Variants in BRINP1 observed in about 807,000 individuals in gnomAD.
BRINP1 encodes BMP/retinoic acid-inducible neural-specific protein 1.
Under a neutral mutation model 72.9 loss-of-function variants are expected in BRINP1, and 17 were observed. That is an observed-to-expected ratio of 0.23 (90% CI 0.16 to 0.35). The LOEUF is 0.35. BRINP1 is among the 10% of genes least tolerant of loss of function. BRINP1 has a pLI of 1.00. For synonymous variants in BRINP1, 418 were observed against 378.5 expected (o/e 1.10, Z -1.21); for missense variants, 850 against 1,001.6 (o/e 0.85, Z 2.04).
intron 2 of BRINP1, among the ~76,000 whole-genome samples, chr9:119,273,846 T>C (rs1360710569): frequency 1.3e-5 from 2 of 152,200 alleles, no homozygotes; most frequent in East Asian, 3.9e-4. Context: ...TTATGTTCCT[T>C]GTCCACGTTC....
rs374801095 is a variant in BRINP1 at position 119,208,750 on chromosome 9, G to A, written c.1114C>T (p.His372Tyr). The A allele has an allele frequency of 5.0e-6, 8 of 1,613,444 alleles. No homozygotes were observed. The highest frequency in any genetic ancestry group is 6.8e-6 in the Non-Finnish European group (8 of 1,180,028). Residue 372 changes from histidine to tyrosine, a missense_variant, in exon 7 of 8, where the codon CAC (histidine) becomes TAC (tyrosine). Transcript: ENST00000265922. Reference protein sequence around the residue: ...KLFGLSVRCRHNPNHQLPRER... With the variant: ...KLFGLSVRCRYNPNHQLPRER... The stretch of plus-strand genomic sequence containing the variant: ...CTAGGCAGCTGGTGGTTGGGATTGT[G>A]GCGACAGCGTACACTGAGGCCGAAA...
At chr9:119,321,075 C>T (rs1456191839) in intron 1 of BRINP1, among the ~76,000 whole-genome samples, 1 of 152,128 alleles carries the variant, frequency 6.6e-6, no homozygotes, top group Non-Finnish European at 1.5e-5. Flanking sequence ...GGACTACAGG[C>T]GCCTGCCACT....
At chr9:119,222,171 G>A (rs1023072090) in intron 5 of BRINP1, among the ~76,000 whole-genome samples, 4 of 152,050 alleles carry the variant, frequency 2.6e-5, no homozygotes, top group Admixed American at 2.6e-4. Context: ...AGGGGCCATC[G>A]GAGGAGCAGA....
chr9:119,358,358 G>A (rs79342727), intron 1 of BRINP1, among the ~76,000 whole-genome samples: 1 of 149,168 alleles, frequency 6.7e-6, no homozygotes, highest in African/African-American at 2.5e-5. Context: ...CTCAGATACG[G>A]ATTGATCTTA....
chr9:119,181,322 A>T (rs540780860), intron 7 of BRINP1, among the ~76,000 whole-genome samples: 1 of 152,316 alleles, frequency 6.6e-6, no homozygotes, highest in Non-Finnish European at 1.5e-5. Flanking sequence ...ATCTAGATCT[A>T]TGATCTTGGC....
intron 1 of BRINP1, 24 bp from the exon 2 acceptor site, chr9:119,313,429 A>G: frequency 6.6e-7 from 1 of 1,516,790 alleles, no homozygotes; most frequent in Non-Finnish European, 8.8e-7. Context: ...AATAAAAAAG[A>G]GAGAGAAAAA....
At chr9:119,224,891 G>T (rs1588169653) in intron 5 of BRINP1, among the ~76,000 whole-genome samples, 1 of 151,978 alleles carries the variant, frequency 6.6e-6, no homozygotes, top group African/African-American at 2.4e-5. Flanking sequence ...CCAGTCACAT[G>T]GAAATGCACT....
intron 2 of BRINP1, among the ~76,000 whole-genome samples, chr9:119,288,157 G>T (rs1007533666): frequency 6.6e-6 from 1 of 152,146 alleles, no homozygotes; most frequent in East Asian, 1.9e-4. Context: ...GCATGCAAAA[G>T]GATTCCTTCC....
intron 1 of BRINP1, among the ~76,000 whole-genome samples, chr9:119,341,747 A>C (rs1419905750): frequency 6.6e-6 from 1 of 152,162 alleles, no homozygotes; most frequent in Non-Finnish European, 1.5e-5. Flanking sequence ...CGCCATTATA[A>C]GTCCAAGAGC....
chr9:119,213,656 ATTCT>A (rs1183045431), intron 6 of BRINP1: 9 of 584,726 alleles, frequency 1.5e-5, no homozygotes, highest in South Asian at 2.2e-5. Flanking sequence ...ATGCAGATTT[ATTCT>A]TTCTGTCTTC....
intron 1 of BRINP1, among the ~76,000 whole-genome samples, chr9:119,348,341 C>T (rs1831469458): frequency 6.6e-6 from 1 of 152,162 alleles, no homozygotes; most frequent in Admixed American, 6.5e-5. Context: ...CTAGATATCA[C>T]AGTTTATCAG....
chr9:119,184,274 T>C (rs1226640683), intron 7 of BRINP1, among the ~76,000 whole-genome samples: 1 of 152,106 alleles, frequency 6.6e-6, no homozygotes, highest in Non-Finnish European at 1.5e-5. Context: ...GCAGTGAAGC[T>C]CAGCCACTGC....
At chr9:119,191,925 T>C (rs1203736425) in intron 7 of BRINP1, among the ~76,000 whole-genome samples, 3 of 151,760 alleles carry the variant, frequency 2.0e-5, no homozygotes, top group Non-Finnish European at 3.0e-5. Context: ...TGGAACACAA[T>C]TGAGAGCCCA....
At chr9:119,204,653 T>A (rs1015145968) in intron 7 of BRINP1, among the ~76,000 whole-genome samples, 7 of 152,174 alleles carry the variant, frequency 4.6e-5, no homozygotes, top group African/African-American at 1.4e-4. Context: ...CTCCTTCCCT[T>A]CTGTCTCTTA....
At chr9:119,299,417 C>T (rs1588196565) in intron 2 of BRINP1, among the ~76,000 whole-genome samples, 2 of 152,038 alleles carry the variant, frequency 1.3e-5, no homozygotes, top group Admixed American at 1.3e-4. Context: ...AGTTCAAGAC[C>T]AGCCTGACCA....
chr9:119,248,788 G>A lies in BRINP1; in HGVS notation c.409+172C>T, dbSNP rs572252812. ...TCCCATAGAACTGAATCACCTCCTC[G>A]GATATGATCACAACAGCCAAGACAA... is the stretch of plus-strand genomic sequence containing the variant. On this transcript the variant is annotated intron_variant, in intron 3 of 7. Coordinates refer to ENST00000265922, the MANE Select transcript of BRINP1 (RefSeq NM_014618.3). 6.6e-5 allele frequency among the ~76,000 whole-genome samples: 10 copies of A among 152,218 alleles called. No homozygotes were observed. In the East Asian group the frequency reaches 1.2e-3, roughly 18 times the overall value.
chr9:119,196,080 T>C (rs542493081), intron 7 of BRINP1, among the ~76,000 whole-genome samples: 1 of 152,334 alleles, frequency 6.6e-6, no homozygotes, highest in South Asian at 2.1e-4. Flanking sequence ...CAAAGTCCTA[T>C]AGGATTCACT....
At chr9:119,207,415 G>A (rs1395664421) in intron 7 of BRINP1, among the ~76,000 whole-genome samples, 1 of 152,070 alleles carries the variant, frequency 6.6e-6, no homozygotes, top group Non-Finnish European at 1.5e-5. Context: ...AAAAATAATG[G>A]CAAAAACCAC....
chr9:119,269,344 G>A (rs1013508402), intron 2 of BRINP1, among the ~76,000 whole-genome samples: 2 of 152,136 alleles, frequency 1.3e-5, no homozygotes, highest in African/African-American at 4.8e-5. Flanking sequence ...AATGCTCGTG[G>A]AATGATTCAC....
Sources: gnomAD v4.1 joint callset for allele counts (sites outside exome capture counted in the v4.1 genomes callset) on GRCh38, gnomAD v4.1.1 for gene constraint, MANE v1.5 for transcripts, NCBI Gene and HGNC (gene_info 2026-07-23, HGNC 2026-07-21) for gene names.